The following PCDH15 variants were observed in gnomAD, a reference collection of about 807,000 sequenced individuals.
PCDH15 encodes protocadherin-15.
A neutral mutation model predicts 178.5 loss-of-function variants in PCDH15; 129 were observed. The ratio of observed to expected loss-of-function variants is 0.72; its 90% CI spans 0.63 to 0.84. The LOEUF is 0.84. PCDH15 is among the 40% of genes least tolerant of loss of function. PCDH15 has a pLI of 0.00. For synonymous variants in PCDH15, 800 were observed against 732.0 expected (o/e 1.09, Z -1.50); for missense variants, 2,230 against 2,099.9 (o/e 1.06, Z -1.21).
intron 2 of PCDH15, among the ~76,000 whole-genome samples, chr10:55,609,359 G>C (rs180990060): frequency 6.6e-6 from 1 of 152,104 alleles, no homozygotes; most frequent in East Asian, 1.9e-4. Context: ...TTCAAACCTT[G>C]GTCTTTATGT....
At chr10:54,892,025 A>C (rs1392983640) in intron 3 of PCDH15, among the ~76,000 whole-genome samples, 1 of 152,128 alleles carries the variant, frequency 6.6e-6, no homozygotes, top group Non-Finnish European at 1.5e-5. Flanking sequence ...TATGATCATG[A>C]GGACTTTCTG....
chr10:54,729,919 G>A (rs1271609328), intron 1 of PCDH15, among the ~76,000 whole-genome samples: 2 of 151,690 alleles, frequency 1.3e-5, no homozygotes, highest in Middle Eastern at 3.4e-3. Context: ...CAAGGTTGCA[G>A]AGAAAAGGGA....
chr10:54,938,501 T>C (rs1837965045), intron 2 of PCDH15, among the ~76,000 whole-genome samples: 1 of 152,128 alleles, frequency 6.6e-6, no homozygotes, highest in African/African-American at 2.4e-5. Context: ...GGAGAATTGG[T>C]ATTAATTTTT....
intron 2 of PCDH15, among the ~76,000 whole-genome samples, chr10:55,109,887 G>A (rs137994422): frequency 2.9e-3 from 448 of 151,896 alleles, no homozygotes; most frequent in Non-Finnish European, 5.2e-3. Context: ...TGTAAAGAAT[G>A]TGGAAATTTC....
chr10:54,139,086 A>G (rs1316702672), intron 14 of PCDH15, among the ~76,000 whole-genome samples: 3 of 152,176 alleles, frequency 2.0e-5, no homozygotes, highest in Admixed American at 6.5e-5. Flanking sequence ...TGAGTTTTAT[A>G]TATGTCTCTG....
At chr10:54,486,687 T>C (rs1449634520) in intron 3 of PCDH15, among the ~76,000 whole-genome samples, 1 of 151,994 alleles carries the variant, frequency 6.6e-6, no homozygotes, top group African/African-American at 2.4e-5. Context: ...TTTGTAAGTC[T>C]AAAAGACTGT....
At chr10:54,988,003 A>C (rs117812220) in intron 2 of PCDH15, among the ~76,000 whole-genome samples, 1 of 152,078 alleles carries the variant, frequency 6.6e-6, no homozygotes, top group Non-Finnish European at 1.5e-5. Context: ...GGGGTTTTAC[A>C]TTACAATTTT....
intron 2 of PCDH15, among the ~76,000 whole-genome samples, chr10:55,520,067 T>C (rs1320744118): frequency 6.9e-6 from 1 of 144,548 alleles, no homozygotes; most frequent in Non-Finnish European, 1.5e-5. Flanking sequence ...TACATATATA[T>C]GGCATATATA....
At chr10:54,311,622 G>A (rs2060915954) in intron 8 of PCDH15, among the ~76,000 whole-genome samples, 2 of 151,918 alleles carry the variant, frequency 1.3e-5, no homozygotes, top group Admixed American at 1.3e-4. Flanking sequence ...ATACATTAAG[G>A]TCCTATAGAA....
chr10:54,291,354 C>T (rs2059390396), intron 8 of PCDH15, among the ~76,000 whole-genome samples: 2 of 152,062 alleles, frequency 1.3e-5, no homozygotes, highest in Non-Finnish European at 2.9e-5. Flanking sequence ...GCACTAAATG[C>T]CCACAAGAGA....
At chr10:54,632,679 A>C (rs1014250278) in intron 2 of PCDH15, among the ~76,000 whole-genome samples, 1 of 152,140 alleles carries the variant, frequency 6.6e-6, no homozygotes. Context: ...GGACACTGAC[A>C]TCCTCCTTCT....
intron 2 of PCDH15, among the ~76,000 whole-genome samples, chr10:54,568,012 A>C (rs1158030478): frequency 6.6e-6 from 1 of 152,230 alleles, no homozygotes; most frequent in East Asian, 1.9e-4. Context: ...TTATAAAAAA[A>C]TAAAACCTTG....
intron 8 of PCDH15, among the ~76,000 whole-genome samples, chr10:54,257,782 C>T (rs908113563): frequency 2.6e-5 from 4 of 151,912 alleles, no homozygotes; most frequent in Non-Finnish European, 4.4e-5. Context: ...GGCCACTGAC[C>T]AAAAATAAAA....
intron 3 of PCDH15, among the ~76,000 whole-genome samples, chr10:54,820,335 T>C (rs1382109706): frequency 1.3e-5 from 2 of 152,046 alleles, no homozygotes; most frequent in South Asian, 2.1e-4. Context: ...TTAGAGTACA[T>C]TGACATTCCT....
rs2095498991 is a variant in PCDH15 at position 54,717,756 on chromosome 10, A to T, written c.-28-53466T>A. Among the ~76,000 whole-genome samples, 3 of 143,024 alleles carry T rather than the reference A, an allele frequency of 2.1e-5. No homozygotes were observed. In the South Asian group the frequency reaches 6.7e-4, roughly 32 times the overall value. The allele number at this position is 143,024 out of a possible 152,430, so 93.8% of individuals were successfully genotyped here. On this transcript the variant is annotated intron_variant, in intron 1 of 37. Transcript: ENST00000644397. ...TACCATTTGACCCAGCCATCCCATT[A>T]CTGGGTATATACCCAAAGGACCATA...
At chr10:54,737,122 C>A (rs893456797) in intron 1 of PCDH15, among the ~76,000 whole-genome samples, 2 of 152,192 alleles carry the variant, frequency 1.3e-5, no homozygotes, top group Admixed American at 1.3e-4. Flanking sequence ...ATGAAAGAAG[C>A]ACAGAAAGGA....
At position 54,400,211 on chromosome 10, in the gene PCDH15, C is replaced by G. The variant is rs542445834; in HGVS notation, c.158-21269G>C. 5.9e-5 allele frequency among the ~76,000 whole-genome samples: 9 copies of G among 152,132 alleles called. No homozygotes were observed. The East Asian group carries it at 1.4e-3, about 23-fold the overall frequency. On this transcript the variant is annotated intron_variant, in intron 3 of 37. Transcript: ENST00000644397. ...TGGATTAGCACATTAGCAAAATTAT[C>G]TAGAGAAAGGAATACATGTGTAATG...
chr10:55,508,589 T>G (rs367974765), intron 2 of PCDH15, among the ~76,000 whole-genome samples: 5 of 151,936 alleles, frequency 3.3e-5, no homozygotes, highest in African/African-American at 9.6e-5. Flanking sequence ...TTGAGTTACT[T>G]TTCTATGTAA....
chr10:54,183,828 C>T (rs748410427), intron 12 of PCDH15, among the ~76,000 whole-genome samples: 4 of 152,082 alleles, frequency 2.6e-5, no homozygotes, highest in Non-Finnish European at 5.9e-5. Flanking sequence ...CAACTCCAGG[C>T]ATATTTTAAA....
Sources: allele counts gnomAD v4.1 joint callset (sites outside exome capture counted in the v4.1 genomes callset), GRCh38; gene constraint gnomAD v4.1.1; transcripts MANE v1.5; gene names NCBI Gene and HGNC (gene_info 2026-07-23, HGNC 2026-07-21).